DACH1: variants seen among roughly 807,000 people sequenced by gnomAD.
The protein encoded by DACH1 is dachshund family transcription factor 1.
A neutral mutation model predicts 54.2 loss-of-function variants in DACH1; 12 were observed. That is an observed-to-expected ratio of 0.22 (90% confidence interval 0.14 to 0.36). The LOEUF is 0.36. Among genes scored for constraint, DACH1 ranks in the 10% least tolerant of loss-of-function variants. DACH1 has a pLI of 1.00. For missense variants in DACH1, 805 were observed against 929.8 expected, an observed-to-expected ratio of 0.87 and a Z score of 1.75; for synonymous variants, 386 against 366.2, an observed-to-expected ratio of 1.05 and a Z score of -0.62.
At chr13:71,827,264 A>G (rs973912550) in intron 1 of DACH1, among the ~76,000 whole-genome samples, 2 of 152,064 alleles carry the variant, frequency 1.3e-5, no homozygotes, top group Non-Finnish European at 2.9e-5. Context: ...CCAGGGATGC[A>G]GGCGGGGCTG....
Position 71,630,691 on chromosome 13 carries a change from C to G in DACH1, c.991G>C (p.Ala331Pro). ...GCAATAGCTGCATTGGTAGCAGCAG[C>G]AGCTGCTGCAGCGGCTGCTGTCAGA... is the stretch of plus-strand genomic sequence containing the variant. Reference protein sequence around the residue: ...TGLTAAAAAAAAATNAAIAEA... With the variant: ...TGLTAAAAAAPAATNAAIAEA... The change falls in exon 3 of 11, where the codon GCT becomes CCT. Residue 331 changes from alanine (A) to proline (P), a missense_variant. Transcript: ENST00000613252. The G allele has an allele frequency of 1.3e-6, 2 of 1,591,310 alleles. No homozygotes were observed.
chr13:71,576,089 T>A (rs1469657476), intron 3 of DACH1, among the ~76,000 whole-genome samples: 1 of 152,056 alleles, frequency 6.6e-6, no homozygotes, highest in East Asian at 1.9e-4. Flanking sequence ...CAAACATATA[T>A]ACACACATAA....
At chr13:71,819,156 TC>T (rs1398821084) in intron 1 of DACH1, among the ~76,000 whole-genome samples, 3 of 152,156 alleles carry the variant, frequency 2.0e-5, no homozygotes, top group Admixed American at 2.0e-4. Context: ...TAGGAAAGTC[TC>T]CCTGCAAGAA....
chr13:71,618,395 A>T lies in DACH1; in HGVS notation c.1126+12161T>A, dbSNP rs140709613. Among the ~76,000 whole-genome samples the T allele has an allele frequency of 7.2e-4, 109 of 152,198 alleles. 2 individuals are homozygous for T. In the East Asian group the frequency reaches 0.02, roughly 27 times the overall value. ...ATTTTGGAATGTTGCCAAAGCTGTT[A>T]TAAACATTTCTGAGCTCACTTTTCC... is the stretch of plus-strand genomic sequence containing the variant. On this transcript the variant is annotated intron_variant, in intron 3 of 10. Transcript: ENST00000613252.
chr13:71,457,836 C>T (rs1029412002), intron 10 of DACH1, among the ~76,000 whole-genome samples: 1 of 151,914 alleles, frequency 6.6e-6, no homozygotes, highest in African/African-American at 2.4e-5. Context: ...CTGGACTTCA[C>T]ATTCCAATGC....
intron 3 of DACH1, among the ~76,000 whole-genome samples, chr13:71,616,216 T>C (rs1299256384): frequency 2.0e-5 from 3 of 152,060 alleles, no homozygotes; most frequent in Non-Finnish European, 4.4e-5. Context: ...AAAGATTGCT[T>C]TGGGGAGACT....
At position 71,572,977 on chromosome 13, in the gene DACH1, G is replaced by C. The variant is rs538661884; in HGVS notation, c.1162C>G (p.Leu388Val). 3 of 1,614,122 alleles carry C rather than the reference G, an allele frequency of 1.9e-6. No individual in the cohort carries two copies. The highest frequency in any genetic ancestry group is 2.7e-5 in the African/African-American group (2 of 75,058). The change falls in exon 4 of 11, where the codon CTA (leucine) becomes GTA (valine). Residue 388 changes from leucine (L) to valine (V), a missense_variant. Physicochemically the swap from Leu to Val is conservative, Grantham distance 32. Coordinates refer to ENST00000613252, the MANE Select transcript of DACH1 (RefSeq NM_080759.6). ...GCTGGAGGTAGGCTGACAGGAATTA[G>C]AGGGTGGGGCATCATCATAAAAGGA... ...ELPFMMMPHP[L>V]IPVSLPPASV...
chr13:71,566,442 C>T (rs1884898471), intron 4 of DACH1, among the ~76,000 whole-genome samples: 1 of 152,092 alleles, frequency 6.6e-6, no homozygotes, highest in South Asian at 2.1e-4. Context: ...CACTTATTTT[C>T]TAGAAGGTTT....
At chr13:71,486,866 T>C (rs1001834875) in intron 7 of DACH1, among the ~76,000 whole-genome samples, 1 of 151,100 alleles carries the variant, frequency 6.6e-6, no homozygotes, top group East Asian at 1.9e-4. Context: ...CTATCTGAGA[T>C]GGAGTTTCAC....
chr13:71,664,358 A>G (rs1879692800), intron 2 of DACH1, among the ~76,000 whole-genome samples: 1 of 152,052 alleles, frequency 6.6e-6, no homozygotes, highest in Admixed American at 6.6e-5. Context: ...GAATTTAAGA[A>G]ACAACCTGTT....
At chr13:71,687,015 A>T (rs1404381967) in intron 1 of DACH1, among the ~76,000 whole-genome samples, 1 of 152,204 alleles carries the variant, frequency 6.6e-6, no homozygotes, top group Non-Finnish European at 1.5e-5. Context: ...CATGGCAGCA[A>T]ATGAGCACTG....
At chr13:71,800,422 G>A (rs1053398779) in intron 1 of DACH1, among the ~76,000 whole-genome samples, 4 of 151,998 alleles carry the variant, frequency 2.6e-5, no homozygotes, top group African/African-American at 4.8e-5. Context: ...ACTCTCTACC[G>A]CTCAGTGAAG....
At chr13:71,569,517 A>G (rs1237460029) in intron 4 of DACH1, among the ~76,000 whole-genome samples, 1 of 152,012 alleles carries the variant, frequency 6.6e-6, no homozygotes, top group Non-Finnish European at 1.5e-5. Flanking sequence ...TTCTTAACTC[A>G]CAGGCCATGA....
At chr13:71,626,211 G>A (rs1876634548) in intron 3 of DACH1, among the ~76,000 whole-genome samples, 1 of 151,858 alleles carries the variant, frequency 6.6e-6, no homozygotes, top group African/African-American at 2.4e-5. Flanking sequence ...AAGATACTAG[G>A]TTTAGCAAGT....
At position 71,758,679 on chromosome 13, in the gene DACH1, T is replaced by C. The variant is rs371348723; in HGVS notation, c.849-76769A>G. 2.6e-5 allele frequency among the ~76,000 whole-genome samples: 4 copies of C among 152,100 alleles called. No homozygotes were observed. In the East Asian group the frequency reaches 5.8e-4, roughly 22 times the overall value. ...TGAGGATGATACATCTGAACACAAATATGTATCTAAATGCTTAATGGGTCT... is the reference window on the plus strand; with the variant it reads ...TGAGGATGATACATCTGAACACAAACATGTATCTAAATGCTTAATGGGTCT... On this transcript the variant is annotated intron_variant, in intron 1 of 10. Transcript: ENST00000613252.
At chr13:71,565,186 T>G (rs1884829689) in intron 4 of DACH1, among the ~76,000 whole-genome samples, 1 of 152,148 alleles carries the variant, frequency 6.6e-6, no homozygotes, top group Non-Finnish European at 1.5e-5. Flanking sequence ...GGATTACAGC[T>G]GTGAGCCACC....
At chr13:71,827,933 T>G (rs1162521694) in intron 1 of DACH1, among the ~76,000 whole-genome samples, 1 of 151,964 alleles carries the variant, frequency 6.6e-6, no homozygotes, top group African/African-American at 2.4e-5. Context: ...TAACAAAGAA[T>G]AGTGCTATTA....
rs534657725 is a variant in DACH1, at chr13:71,519,183, T to C, written c.1571-30035A>G. Among the ~76,000 whole-genome samples, 22 of 152,010 alleles carry C rather than the reference T, an allele frequency of 1.4e-4. No individual in the cohort carries two copies. The East Asian group carries it at 4.3e-3, about 30-fold the overall frequency. ...CACCCTTTATCATAATCATTCTAAATAGTCTAGTTCTGGTTTCTCCAGAGA... is the reference window on the plus strand; with the variant it reads ...CACCCTTTATCATAATCATTCTAAACAGTCTAGTTCTGGTTTCTCCAGAGA... On this transcript the variant is annotated intron_variant, in intron 6 of 10. Transcript: ENST00000613252.
rs144158772 is a variant in DACH1 at position 71,646,682 on chromosome 13, A to G, written c.965-15965T>C. 9.7e-4 allele frequency among the ~76,000 whole-genome samples: 148 copies of G among 152,366 alleles called. 1 individual carries two copies. Among genetic ancestry groups the G allele is most frequent in the African/African-American group, 3.4e-3 (143 of 41,590 alleles). Reference sequence around the variant, plus strand: ...AATATATCTAAAAAGTAATTCTTATATACCATTTAGTGGAAAATAGAAAAT... The same window carrying G: ...AATATATCTAAAAAGTAATTCTTATGTACCATTTAGTGGAAAATAGAAAAT... On this transcript the variant is annotated intron_variant, in intron 2 of 10. Transcript: ENST00000613252.
Sources: allele counts gnomAD v4.1 joint callset (sites outside exome capture counted in the v4.1 genomes callset), GRCh38; gene constraint gnomAD v4.1.1; transcripts MANE v1.5; gene names NCBI Gene and HGNC (gene_info 2026-07-23, HGNC 2026-07-21).